Variants in DESI2 observed in about 807,000 individuals in gnomAD.
DESI2 encodes deubiquitinase DESI2.
In DESI2, 10 loss-of-function variants were observed where a neutral mutation model predicts 24.1. That is an observed-to-expected ratio of 0.41 (90% CI 0.26 to 0.70). DESI2 has a LOEUF of 0.70. Among genes scored for constraint, DESI2 ranks in the 30% least tolerant of loss-of-function variants. The pLI, the probability that DESI2 is intolerant of heterozygous loss-of-function variation, is 0.29. For synonymous variants in DESI2, 71 were observed against 87.7 expected, an observed-to-expected ratio of 0.81 and a Z score of 1.06; for missense variants, 122 against 234.9, an observed-to-expected ratio of 0.52 and a Z score of 3.14.
At chr1:244,661,342 TC>T (rs1675832783) in intron 1 of DESI2, among the ~76,000 whole-genome samples, 1 of 152,208 alleles carries the variant, frequency 6.6e-6, no homozygotes, top group African/African-American at 2.4e-5. Context: ...TATCAGAATT[TC>T]CTTCCTTTTT....
intron 1 of DESI2, among the ~76,000 whole-genome samples, chr1:244,655,328 C>T (rs1177873634): frequency 1.3e-5 from 2 of 152,204 alleles, no homozygotes; most frequent in African/African-American, 4.8e-5. Context: ...CTAATTCCTG[C>T]ACTTATGTCT....
chr1:244,699,578 C>CAAAAAAAAAAAAAAA (rs559295405), intron 4 of DESI2, among the ~76,000 whole-genome samples: 6 of 66,220 alleles, frequency 9.1e-5, no homozygotes, highest in African/African-American at 1.6e-4. Flanking sequence ...GAGACTGTCT[C>CAAAAAAAAAAAAAAA]AAAAAAAAAA....
intron 1 of DESI2, among the ~76,000 whole-genome samples, chr1:244,674,663 A>G (rs1266420143): frequency 6.6e-6 from 1 of 152,208 alleles, no homozygotes; most frequent in African/African-American, 2.4e-5. Flanking sequence ...TTCAAGGTTC[A>G]TTCCTGTGGT....
At chr1:244,688,748 C>A (rs2068075) in intron 2 of DESI2, among the ~76,000 whole-genome samples, 35,564 of 151,994 alleles carry the variant, frequency 0.23, 4,211 homozygotes, top group South Asian at 0.32. Context: ...TTTTTTCTTA[C>A]ATGAAGAGAA....
chr1:244,653,322 T>A lies in DESI2; in HGVS notation c.9T>A (p.Ala3=), dbSNP rs1182395747. The A allele has an allele frequency of 4.6e-6, 7 of 1,519,296 alleles. No individual in the cohort carries two copies. Among genetic ancestry groups the A allele is most frequent in the Non-Finnish European group, 6.1e-6 (7 of 1,140,864 alleles). 94.1% of individuals were successfully genotyped at this position (1,519,296 alleles called of 1,614,324 possible). A position where few individuals can be genotyped will look rare whatever the true frequency, so the allele number is the denominator to read the frequency against. Residue 3 remains alanine (A), a synonymous_variant, in exon 1 of 5, where the codon GCT becomes GCA. Coordinates refer to ENST00000302550, the MANE Select transcript of DESI2 (RefSeq NM_016076.5). Reference sequence around the variant, plus strand: ...CGGCCGCGGGGAGGAGGATGGGGGCTAACCAGTTAGTGGTGCTCAACGTGT... The same window carrying A: ...CGGCCGCGGGGAGGAGGATGGGGGCAAACCAGTTAGTGGTGCTCAACGTGT... The part of the protein sequence containing the change: MG[A]NQLVVLNVYD...
chr1:244,664,262 G>C (rs551412831), intron 1 of DESI2, among the ~76,000 whole-genome samples: 11 of 152,258 alleles, frequency 7.2e-5, no homozygotes, highest in African/African-American at 2.4e-4. Context: ...AAAGCTTGTA[G>C]CAGCCCTATA....
At chr1:244,660,029 C>T (rs1675784494) in intron 1 of DESI2, among the ~76,000 whole-genome samples, 1 of 152,220 alleles carries the variant, frequency 6.6e-6, no homozygotes, top group Non-Finnish European at 1.5e-5. Flanking sequence ...CAGTGTATAT[C>T]AGTTCCATGG....
At chr1:244,704,781 C>G (rs1354214146) in intron 4 of DESI2, among the ~76,000 whole-genome samples, 1 of 152,188 alleles carries the variant, frequency 6.6e-6, no homozygotes, top group African/African-American at 2.4e-5. Context: ...GCCCCAGCCT[C>G]CCGAGTATCT....
intron 1 of DESI2, among the ~76,000 whole-genome samples, chr1:244,679,868 C>CAA (rs10543739): frequency 1.2e-5 from 1 of 80,666 alleles, no homozygotes; most frequent in African/African-American, 4.7e-5. Flanking sequence ...GACTCTATCT[C>CAA]AAAAAAAAAA....
intron 4 of DESI2, among the ~76,000 whole-genome samples, chr1:244,704,965 TTTTAA>T (rs1227144518): frequency 2.0e-5 from 3 of 152,130 alleles, no homozygotes; most frequent in South Asian, 2.1e-4. Flanking sequence ...GCCCACACTT[TTTTAA>T]TTTGAGACAC....
chr1:244,678,908 G>T (rs1676505360), intron 1 of DESI2, among the ~76,000 whole-genome samples: 1 of 152,198 alleles, frequency 6.6e-6, no homozygotes, highest in Non-Finnish European at 1.5e-5. Context: ...TAAACAATGG[G>T]ATTTCTCAAT....
At chr1:244,658,167 A>G (rs1004598988) in intron 1 of DESI2, among the ~76,000 whole-genome samples, 3 of 152,146 alleles carry the variant, frequency 2.0e-5, no homozygotes, top group African/African-American at 7.2e-5. Context: ...CTTCATTTTA[A>G]TCCTTCCTCC....
chr1:244,694,574 A>G (rs2148812499), intron 4 of DESI2: 1 of 798,772 alleles, frequency 1.3e-6, no homozygotes, highest in East Asian at 2.4e-5. Flanking sequence ...TAGCCTTGGC[A>G]CTGCCGTTAT....
At chr1:244,653,544 G>A in intron 1 of DESI2, 189 bp downstream of exon 1, 1 of 575,968 alleles carries the variant, frequency 1.7e-6, no homozygotes, top group Non-Finnish European at 2.9e-6. Flanking sequence ...ACGCTCCGGT[G>A]AACCCAGTCA....
At chr1:244,688,914 C>T (rs990552821) in intron 2 of DESI2, among the ~76,000 whole-genome samples, 5 of 152,128 alleles carry the variant, frequency 3.3e-5, no homozygotes, top group Non-Finnish European at 7.4e-5. Context: ...AGTGGCAAAA[C>T]ACTGAACTGA....
intron 1 of DESI2, among the ~76,000 whole-genome samples, chr1:244,656,897 G>A (rs1675666016): frequency 6.6e-6 from 1 of 151,936 alleles, no homozygotes; most frequent in South Asian, 2.1e-4. Flanking sequence ...GCCTCAGCCT[G>A]CCAAGTAGCT....
At chr1:244,701,232 CCCG>C (rs1677448956) in intron 4 of DESI2, among the ~76,000 whole-genome samples, 52 of 73,084 alleles carry the variant, frequency 7.1e-4, no homozygotes, top group Non-Finnish European at 1.1e-3. Flanking sequence ...CCCCCCCCCC[CCCG>C]CCCTTTTAAC....
intron 4 of DESI2, among the ~76,000 whole-genome samples, chr1:244,703,972 G>A (rs1184154108): frequency 6.6e-6 from 1 of 152,058 alleles, no homozygotes; most frequent in African/African-American, 2.4e-5. Context: ...ATATTTTTAA[G>A]TGTCTACCTC....
chr1:244,684,422 T>C (rs1435737061), intron 1 of DESI2, among the ~76,000 whole-genome samples: 5 of 152,242 alleles, frequency 3.3e-5, no homozygotes, highest in Non-Finnish European at 7.3e-5. Context: ...CAGACCTTTC[T>C]TTTGTTGCAA....
Sources: gnomAD v4.1 joint callset for allele counts (sites outside exome capture counted in the v4.1 genomes callset) on GRCh38, gnomAD v4.1.1 for gene constraint, MANE v1.5 for transcripts, NCBI Gene and HGNC (gene_info 2026-07-23, HGNC 2026-07-21) for gene names.